HIF1A: variants seen among roughly 807,000 people sequenced by gnomAD.
HIF1A encodes hypoxia inducible factor 1 subunit alpha, also known as hypoxia-inducible factor 1-alpha.
In HIF1A, 24 loss-of-function variants were observed where a neutral mutation model predicts 92.7. That is an observed-to-expected ratio of 0.26 (90% CI 0.19 to 0.36). The LOEUF (loss-of-function observed/expected upper bound fraction) is 0.36, where lower values mean the gene tolerates loss of function less well. Among genes scored for constraint, HIF1A ranks in the 10% least tolerant of loss-of-function variants. The pLI, the probability that HIF1A is intolerant of heterozygous loss-of-function variation, is 1.00. For synonymous variants in HIF1A, 319 were observed against 338.7 expected (o/e 0.94, Z 0.64); for missense variants, 799 against 998.5 (o/e 0.80, Z 2.69).
intron 10 of HIF1A, among the ~76,000 whole-genome samples, chr14:61,739,604 T>C (rs958118689): frequency 6.6e-6 from 1 of 152,210 alleles, no homozygotes; most frequent in African/African-American, 2.4e-5. Context: ...GTTTGATTCA[T>C]CTTGGTTTTT....
In HIF1A at chr14:61,737,045, T is replaced by C. The variant is rs1043203915; in HGVS notation, c.1185T>C (p.Asp395=). 6.2e-7 allele frequency: 1 copy of C among 1,614,222 alleles called. No homozygotes were observed. Among genetic ancestry groups the C allele is most frequent in the African/African-American group, 1.3e-5 (1 of 75,064 alleles). The change falls in exon 9 of 15, where the codon GAT becomes GAC. Residue 395 remains aspartate, a synonymous_variant. Coordinates refer to ENST00000337138, the MANE Select transcript of HIF1A (RefSeq NM_001530.4). ...TTGACAAACTTAAGAAGGAACCTGA[T>C]GCTTTAACTTTGCTGGCCCCAGCCG... ...SLFDKLKKEP[D]ALTLLAPAAG... is the part of the protein sequence containing the mutation.
chr14:61,741,919 C>T (rs971492091), intron 12 of HIF1A, among the ~76,000 whole-genome samples: 10 of 152,300 alleles, frequency 6.6e-5, no homozygotes, highest in African/African-American at 2.2e-4. Context: ...TCCAATTGCA[C>T]ATTCCAAATT....
chr14:61,710,119 AT>A (rs543006382), intron 1 of HIF1A, among the ~76,000 whole-genome samples: 3 of 151,970 alleles, frequency 2.0e-5, no homozygotes, highest in Admixed American at 6.6e-5. Flanking sequence ...ATCATACTCA[AT>A]TTTTTTTGTA....
Position 61,720,517 on chromosome 14 carries a change from C to T in HIF1A, c.171C>T (p.Ala57=), listed in dbSNP as rs537540765. The change falls in exon 2 of 15, where the codon GCC becomes GCT. Residue 57 remains alanine, a synonymous_variant. Coordinates refer to ENST00000337138, the MANE Select transcript of HIF1A (RefSeq NM_001530.4). ...PHNVSSHLDK[A]SVMRLTISYL... ...ATGTGAGTTCGCATCTTGATAAGGC[C>T]TCTGTGATGAGGCTTACCATCAGCT... 6.8e-6 allele frequency: 11 copies of T among 1,612,900 alleles called. No homozygotes were observed. The highest frequency in any genetic ancestry group is 9.3e-6 in the Non-Finnish European group (11 of 1,179,588).
chr14:61,747,521 G>A lies in HIF1A; in HGVS notation c.*436G>A, dbSNP rs2044808907. On this transcript the variant is annotated 3_prime_UTR_variant, in exon 15 of 15. Transcript: ENST00000337138. Reference sequence around the variant, plus strand: ...CATTTTACATAAATAATAATGCTTTGCCAGCAGTACGTGGTAGCCACAATT... The same window carrying A: ...CATTTTACATAAATAATAATGCTTTACCAGCAGTACGTGGTAGCCACAATT... 1 of 152,070 alleles carries A rather than the reference G, an allele frequency of 6.6e-6. No homozygotes were observed. Among genetic ancestry groups the A allele is most frequent in the Non-Finnish European group, 1.5e-5 (1 of 68,052 alleles). The allele number at this position is 152,070 out of a possible 1,614,324, so 9.4% of individuals were successfully genotyped here.
chr14:61,706,899 G>GA (rs1205903882), intron 1 of HIF1A, among the ~76,000 whole-genome samples: 5 of 152,240 alleles, frequency 3.3e-5, no homozygotes, highest in South Asian at 2.1e-4. Flanking sequence ...ATATTTGGGG[G>GA]AAAAAAGTTC....
At position 61,736,874 on chromosome 14, in the gene HIF1A, CTCT is replaced by C. The variant is rs2044644157; in HGVS notation, c.1029-13_1029-11del. 1 of 1,575,444 alleles carries C rather than the reference CTCT, an allele frequency of 6.3e-7. No homozygotes were observed. Among genetic ancestry groups the C allele is most frequent in the Admixed American group, 1.7e-5 (1 of 59,804 alleles). On this transcript the variant is annotated splice_polypyrimidine_tract_variant and intron_variant, in intron 8 of 14. Transcript: ENST00000337138. The stretch of plus-strand genomic sequence containing the variant: ...GTGCTCATTTGTGAATTACCAATTT[CTCT>C]TGTTTTGACAGTGGTATTATTCAGC...
intron 2 of HIF1A, 91 bp from the exon 3 acceptor site, chr14:61,721,410 AAAGTGTCT>A: frequency 1.0e-6 from 1 of 954,344 alleles, no homozygotes; most frequent in Non-Finnish European, 1.6e-6. Flanking sequence ...TATATTAAAT[AAAGTGTCT>A]GCGAGAAAAC....
At chr14:61,708,596 C>G (rs2044271199) in intron 1 of HIF1A, among the ~76,000 whole-genome samples, 2 of 139,836 alleles carry the variant, frequency 1.4e-5, no homozygotes, top group African/African-American at 4.9e-5. Context: ...TCAGGTTTGT[C>G]AAAGATCAGA....
chr14:61,726,396 G>C (rs2044504346), intron 4 of HIF1A: 1 of 184,810 alleles, frequency 5.4e-6, no homozygotes, highest in African/African-American at 2.4e-5. Flanking sequence ...CGATAGCACA[G>C]TTAAAGAGCA....
rs147698846 is a variant in HIF1A at position 61,741,082 on chromosome 14, C to T, written c.1987C>T (p.Gln663Ter). The T allele has an allele frequency of 6.2e-7, 1 of 1,613,766 alleles. No homozygotes were observed. Among genetic ancestry groups the T allele is most frequent in the Non-Finnish European group, 8.5e-7 (1 of 1,179,770 alleles). ...SATSSPYRDT[Q>*]SRTASPNRAG... ...CACATCATCACCATATAGAGATACT[C>T]AAAGTCGGACAGCCTCACCAAACAG... is the stretch of plus-strand genomic sequence containing the variant. Residue 663 changes from glutamine to a stop codon, truncating the protein, a stop_gained, in exon 12 of 15, where the codon CAA (glutamine) becomes TAA (stop). Transcript: ENST00000337138. LOFTEE classifies it high-confidence loss of function.
rs1293545948 is a variant in HIF1A, at chr14:61,747,707, G to C, written c.*622G>C. 1.3e-5 allele frequency: 2 copies of C among 152,378 alleles called. No individual in the cohort carries two copies. The highest frequency in any genetic ancestry group is 2.9e-5 in the Non-Finnish European group (2 of 67,964). 9.4% of individuals were successfully genotyped at this position (152,378 alleles called of 1,614,324 possible). On this transcript the variant is annotated 3_prime_UTR_variant, in exon 15 of 15. Transcript: ENST00000337138. ...TAATAATGATTCTTAAATGCTGTAT[G>C]GTTTATTATTTAAATGGGTAAAGCC... is the stretch of plus-strand genomic sequence containing the variant.
chr14:61,696,855 G>T (rs919583584), intron 1 of HIF1A, among the ~76,000 whole-genome samples: 3 of 152,036 alleles, frequency 2.0e-5, no homozygotes, highest in Non-Finnish European at 4.4e-5. Flanking sequence ...GTAATCACTC[G>T]GTTAGAACTT....
chr14:61,707,351 A>T (rs1410341548), intron 1 of HIF1A, among the ~76,000 whole-genome samples: 1 of 152,138 alleles, frequency 6.6e-6, no homozygotes, highest in South Asian at 2.1e-4. Context: ...ACATGTGCAC[A>T]ACGTGCAGGT....
intron 4 of HIF1A, among the ~76,000 whole-genome samples, chr14:61,724,708 T>C (rs2044481248): frequency 6.6e-6 from 1 of 152,202 alleles, no homozygotes; most frequent in Non-Finnish European, 1.5e-5. Flanking sequence ...TCCTGTCTTA[T>C]TTCCATCAGT....
chr14:61,698,376 C>G (rs1158312144), intron 1 of HIF1A, among the ~76,000 whole-genome samples: 2 of 152,178 alleles, frequency 1.3e-5, no homozygotes, highest in Non-Finnish European at 2.9e-5. Flanking sequence ...GAGCAAGTTA[C>G]TGAATGCCTC....
intron 1 of HIF1A, among the ~76,000 whole-genome samples, chr14:61,718,377 A>G (rs139444517): frequency 8.1e-4 from 123 of 152,214 alleles, no homozygotes; most frequent in African/African-American, 2.8e-3. Flanking sequence ...ATAGAAATCT[A>G]TTTCCCACAG....
At chr14:61,720,293 T>A in intron 1 of HIF1A, 89 bp from the exon 2 acceptor site, 1 of 868,842 alleles carries the variant, frequency 1.2e-6, no homozygotes, top group Non-Finnish European at 1.7e-6. Context: ...CCTTCTGTGA[T>A]AAGCAGAAAT....
In HIF1A at chr14:61,730,805, T is replaced by G. The variant is rs140977608; in HGVS notation, c.774-1613T>G. Among the ~76,000 whole-genome samples, 900 of 152,342 alleles carry G rather than the reference T, an allele frequency of 5.9e-3. 13 individuals carry two copies. Among genetic ancestry groups the G allele is most frequent in the African/African-American group, 0.021 (873 of 41,590 alleles). On this transcript the variant is annotated intron_variant, in intron 6 of 14. Coordinates refer to ENST00000337138, the MANE Select transcript of HIF1A (RefSeq NM_001530.4). The stretch of plus-strand genomic sequence containing the variant: ...TAATGCCGGGCACACATAGGCATAT[T>G]AAGATTTGAATAGTGAAAAAGTTTT...
Sources: gnomAD v4.1 joint callset for allele counts (sites outside exome capture counted in the v4.1 genomes callset) on GRCh38, gnomAD v4.1.1 for gene constraint, MANE v1.5 for transcripts, NCBI Gene and HGNC (gene_info 2026-07-23, HGNC 2026-07-21) for gene names.